Variants in UBXN2A observed in about 807,000 individuals in gnomAD.
UBXN2A encodes the protein UBX domain protein 2A, also known as UBX domain-containing protein 2A.
Under a neutral mutation model 28.4 loss-of-function variants are expected in UBXN2A, and 28 were observed. The observed-to-expected ratio is 0.99, with a 90% CI of 0.73 to 1.35. The LOEUF is 1.35. UBXN2A is among the 40% of genes most tolerant of loss of function. The pLI, the probability that UBXN2A is intolerant of heterozygous loss-of-function variation, is 0.00. For missense variants in UBXN2A, 253 were observed against 297.9 expected, an observed-to-expected ratio of 0.85 and a Z score of 1.11; for synonymous variants, 97 against 103.6, an observed-to-expected ratio of 0.94 and a Z score of 0.39.
chr2:23,980,663 T>G (rs900146271), intron 4 of UBXN2A, among the ~76,000 whole-genome samples: 2 of 152,168 alleles, frequency 1.3e-5, no homozygotes, highest in Admixed American at 6.5e-5. Flanking sequence ...AGTCTTGCTC[T>G]GTCGGCGAGG....
intron 1 of UBXN2A, among the ~76,000 whole-genome samples, chr2:23,931,308 G>T (rs1206713826): frequency 6.6e-6 from 1 of 152,002 alleles, no homozygotes; most frequent in Non-Finnish European, 1.5e-5. Context: ...TGAGCCTGGT[G>T]GTGGGTACTT....
intron 4 of UBXN2A, among the ~76,000 whole-genome samples, chr2:23,979,596 GTTA>G (rs1344636704): frequency 1.3e-5 from 2 of 151,994 alleles, no homozygotes; most frequent in Non-Finnish European, 2.9e-5. Flanking sequence ...AGAGTTTTTT[GTTA>G]TTATGTTTTT....
At chr2:23,957,191 T>G (rs1706668444) in intron 1 of UBXN2A, among the ~76,000 whole-genome samples, 1 of 152,134 alleles carries the variant, frequency 6.6e-6, no homozygotes, top group Admixed American at 6.6e-5. Context: ...TGGAGCACAG[T>G]GGCATGATGA....
chr2:23,959,287 T>G (rs1573556221), intron 2 of UBXN2A, among the ~76,000 whole-genome samples: 2 of 151,380 alleles, frequency 1.3e-5, no homozygotes, highest in Non-Finnish European at 2.9e-5. Context: ...AGGTCAGGAG[T>G]TCGAGACCAG....
At chr2:23,988,038 A>G (rs1377075303) in intron 6 of UBXN2A, among the ~76,000 whole-genome samples, 1 of 150,092 alleles carries the variant, frequency 6.7e-6, no homozygotes, top group Non-Finnish European at 1.5e-5. Flanking sequence ...CAGGAGAATC[A>G]CTTGAACCTG....
intron 2 of UBXN2A, among the ~76,000 whole-genome samples, chr2:23,961,437 A>G (rs1706904905): frequency 1.3e-5 from 2 of 152,136 alleles, no homozygotes; most frequent in African/African-American, 2.4e-5. Flanking sequence ...AAAGTACACA[A>G]AAATATTGGT....
chr2:23,951,450 A>C (rs1192559602), intron 1 of UBXN2A, among the ~76,000 whole-genome samples: 5 of 62,870 alleles, frequency 8.0e-5, no homozygotes, highest in African/African-American at 2.5e-4. Flanking sequence ...ATATATATAT[A>C]TATATATATA....
intron 1 of UBXN2A, among the ~76,000 whole-genome samples, chr2:23,949,983 A>G (rs1706282259): frequency 6.6e-6 from 1 of 151,730 alleles, no homozygotes; most frequent in South Asian, 2.1e-4. Flanking sequence ...CCATCACTGG[A>G]ATAATTTCTC....
intron 1 of UBXN2A, among the ~76,000 whole-genome samples, chr2:23,957,445 G>A (rs1048228897): frequency 6.6e-6 from 1 of 152,150 alleles, no homozygotes; most frequent in African/African-American, 2.4e-5. Context: ...TGGGACTACA[G>A]GTGCGTACCA....
intron 1 of UBXN2A, among the ~76,000 whole-genome samples, chr2:23,933,370 G>C (rs1323315267): frequency 6.6e-6 from 1 of 152,082 alleles, no homozygotes; most frequent in East Asian, 1.9e-4. Context: ...GCTGGGCCTG[G>C]TGGTGCATGC....
intron 6 of UBXN2A, among the ~76,000 whole-genome samples, chr2:23,999,010 G>A (rs1708646951): frequency 6.6e-6 from 1 of 152,124 alleles, no homozygotes; most frequent in South Asian, 2.1e-4. Context: ...GTACCCAAAT[G>A]AATACACAGG....
At chr2:23,954,802 G>A (rs1706536509) in intron 1 of UBXN2A, among the ~76,000 whole-genome samples, 1 of 149,848 alleles carries the variant, frequency 6.7e-6, no homozygotes, top group Non-Finnish European at 1.5e-5. Flanking sequence ...CTGTTGCCCA[G>A]GCTGGAGTGT....
intron 1 of UBXN2A, among the ~76,000 whole-genome samples, chr2:23,947,048 TGGC>T (rs1285045590): frequency 6.6e-6 from 1 of 152,110 alleles, no homozygotes; most frequent in African/African-American, 2.4e-5. Context: ...CCATGATGCC[TGGC>T]TAATGTTCTT....
intron 1 of UBXN2A, among the ~76,000 whole-genome samples, chr2:23,957,063 ATG>A (rs1706663269): frequency 2.0e-5 from 3 of 152,140 alleles, no homozygotes; most frequent in Admixed American, 2.0e-4. Context: ...AATAGTTGTT[ATG>A]TAATTTTAAA....
chr2:23,971,732 C>A (rs1707431261), intron 3 of UBXN2A, among the ~76,000 whole-genome samples: 2 of 151,898 alleles, frequency 1.3e-5, no homozygotes, highest in Non-Finnish European at 2.9e-5. Flanking sequence ...TCAAGTAGTT[C>A]TCCTGCCTTG....
At chr2:23,929,371 T>C (rs942732108) in intron 1 of UBXN2A, among the ~76,000 whole-genome samples, 1 of 151,216 alleles carries the variant, frequency 6.6e-6, no homozygotes, top group African/African-American at 2.4e-5. Flanking sequence ...CATTGTACTT[T>C]AGCCTGGGTG....
At chr2:23,986,903 C>T (rs1331839241) in intron 6 of UBXN2A, among the ~76,000 whole-genome samples, 1 of 151,524 alleles carries the variant, frequency 6.6e-6, no homozygotes, top group Middle Eastern at 3.2e-3. Flanking sequence ...CCACCGTGCC[C>T]AGCCTTCTTA....
intron 2 of UBXN2A, among the ~76,000 whole-genome samples, chr2:23,961,388 G>C (rs967030678): frequency 5.9e-5 from 9 of 152,034 alleles, no homozygotes; most frequent in African/African-American, 1.4e-4. Flanking sequence ...GAGCCACCGT[G>C]CCTGGCCTGT....
intron 1 of UBXN2A, 109 bp from the exon 2 acceptor site, chr2:23,958,192 T>C: frequency 2.9e-6 from 2 of 690,574 alleles, no homozygotes; most frequent in Non-Finnish European, 4.5e-6. Context: ...TTGAGTTTGC[T>C]CACTTTTTCT....
Sources: allele counts gnomAD v4.1 joint callset (sites outside exome capture counted in the v4.1 genomes callset), GRCh38; gene constraint gnomAD v4.1.1; transcripts MANE v1.5; gene names NCBI Gene and HGNC (gene_info 2026-07-23, HGNC 2026-07-21).